OXNAD1: variants seen among roughly 807,000 people sequenced by gnomAD.
OXNAD1 encodes the protein oxidoreductase NAD-binding domain-containing protein 1.
A neutral mutation model predicts 32.9 loss-of-function variants in OXNAD1; 34 were observed. The observed-to-expected ratio is 1.03, with a 90% confidence interval of 0.79 to 1.38. The LOEUF (loss-of-function observed/expected upper bound fraction) is 1.38. OXNAD1 is among the 40% of genes most tolerant of loss of function. OXNAD1 has a pLI of 0.00. For missense variants in OXNAD1, 407 were observed against 379.4 expected, an observed-to-expected ratio of 1.07 and a Z score of -0.60; for synonymous variants, 134 against 135.2, an observed-to-expected ratio of 0.99 and a Z score of 0.06.
In OXNAD1 at chr3:16,288,791, C is replaced by T. The variant is rs1000849164; in HGVS notation, c.290+2343C>T. Among the ~76,000 whole-genome samples, 1 of 152,208 alleles carries T rather than the reference C, an allele frequency of 6.6e-6. No homozygotes were observed. Among genetic ancestry groups the T allele is most frequent in the Non-Finnish European group, 1.5e-5 (1 of 68,022 alleles). Reference sequence around the variant, plus strand: ...GTGAGGCCTGCCCTTGACCAGAATTCCTCCTCCCTTGGGGTGGAAAGCTTG... The same window carrying T: ...GTGAGGCCTGCCCTTGACCAGAATTTCTCCTCCCTTGGGGTGGAAAGCTTG... On this transcript the variant is annotated intron_variant, in intron 5 of 8. Transcript: ENST00000285083. The surrounding 1 kb of genome is among the most constrained non-coding windows in gnomAD (Gnocchi z 5.1).
chr3:16,273,837 A>G (rs1006101429), intron 4 of OXNAD1, among the ~76,000 whole-genome samples: 1 of 152,190 alleles, frequency 6.6e-6, no homozygotes, highest in East Asian at 1.9e-4. Flanking sequence ...TGTTACCACA[A>G]AGTCTTTTAC....
In OXNAD1 at chr3:16,303,495, T is replaced by A; in HGVS notation, c.872T>A (p.Phe291Tyr). ...TGTGGCCCACCTCCAATGACAGACT[T>A]TTTCTCCAAGCAACTGGAAAACAAC... Reference protein sequence around the residue: ...YICGPPPMTDFFSKQLENNHV... With the variant: ...YICGPPPMTDYFSKQLENNHV... Residue 291 changes from phenylalanine to tyrosine, a missense_variant, in exon 9 of 9, where the codon TTT (phenylalanine) becomes TAT (tyrosine). Phe to Tyr is a conservative substitution (Grantham distance 22). Coordinates refer to ENST00000285083, the MANE Select transcript of OXNAD1 (RefSeq NM_138381.5). The surrounding 1 kb of genome is among the most constrained non-coding windows in gnomAD (Gnocchi z 4.8). 6.2e-7 allele frequency: 1 copy of A among 1,614,044 alleles called. No homozygotes were observed. Among genetic ancestry groups the A allele is most frequent in the African/African-American group, 1.3e-5 (1 of 75,006 alleles).
chr3:16,324,838 C>G (rs1376682451), intron 9 of OXNAD1, among the ~76,000 whole-genome samples: 2 of 151,850 alleles, frequency 1.3e-5, no homozygotes, highest in African/African-American at 4.8e-5. Context: ...GGATATATAC[C>G]TAGAAGTGGG....
chr3:16,308,150 T>C (rs2067701643), downstream of OXNAD1, among the ~76,000 whole-genome samples: 1 of 152,208 alleles, frequency 6.6e-6, no homozygotes, highest in African/African-American at 2.4e-5. The surrounding 1 kb of genome is among the most constrained non-coding windows in gnomAD (Gnocchi z 4.4). Context: ...GTCTAAGTGA[T>C]AAAGGTATCT....
At chr3:16,278,818 T>C (rs1029534734) in intron 4 of OXNAD1, among the ~76,000 whole-genome samples, 2 of 152,198 alleles carry the variant, frequency 1.3e-5, no homozygotes, top group Admixed American at 1.3e-4. Context: ...GCAGATGCCT[T>C]TGGGGATCCT....
intron 4 of OXNAD1, among the ~76,000 whole-genome samples, chr3:16,281,551 A>G (rs913342508): frequency 1.3e-5 from 2 of 152,216 alleles, no homozygotes; most frequent in Non-Finnish European, 2.9e-5. Context: ...TTCCGGTCCA[A>G]GCATTTCAGG....
rs2125187530 is a variant in OXNAD1, at chr3:16,321,336, G to A, written c.*31-15776G>A. ...TGAAGGGAGAAATGGGGCTGGGTCT[G>A]AACCCTGAGGAACTTAGTGGGAAAC... On this transcript the variant is annotated intron_variant, in intron 9 of 9. Coordinates refer to the OXNAD1 transcript ENST00000435829. This position sits in a 1 kb window ranked among gnomAD's most constrained non-coding sequence, Gnocchi z 4.8. Among the ~76,000 whole-genome samples the A allele has an allele frequency of 6.6e-6, 1 of 152,296 alleles. No homozygotes were observed. Among genetic ancestry groups the A allele is most frequent in the African/African-American group, 2.4e-5 (1 of 41,552 alleles).
Position 16,320,699 on chromosome 3 carries a change from A to G in OXNAD1, c.*31-16413A>G, listed in dbSNP as rs2068949261. ...AAAAGGATGCTCGAGTAGAGCTAGA[A>G]AGGAGGAGAATGTCCTTGGCAGAGG... is the stretch of plus-strand genomic sequence containing the variant. On this transcript the variant is annotated intron_variant, in intron 9 of 9. Transcript: ENST00000435829. This position sits in a 1 kb window ranked among gnomAD's most constrained non-coding sequence, Gnocchi z 4.5. Among the ~76,000 whole-genome samples, 1 of 152,240 alleles carries G rather than the reference A, an allele frequency of 6.6e-6. No homozygotes were observed.
At position 16,334,764 on chromosome 3, in the gene OXNAD1, G is replaced by A. The variant is rs1465427282; in HGVS notation, c.*31-2348G>A. Among the ~76,000 whole-genome samples the A allele has an allele frequency of 1.3e-5, 2 of 152,224 alleles. No homozygotes were observed. The highest frequency in any genetic ancestry group is 4.8e-5 in the African/African-American group (2 of 41,452). On this transcript the variant is annotated intron_variant, in intron 9 of 9. Coordinates refer to the OXNAD1 transcript ENST00000435829. The surrounding 1 kb of genome is among the most constrained non-coding windows in gnomAD (Gnocchi z 4.3). ...CCTAATCCCAGGAGCCTGTGAAAAT[G>A]TTCCCTTCGCATGGTAAAGGGATGT...
chr3:16,267,218 T>A (rs2064585143), intron 1 of OXNAD1, among the ~76,000 whole-genome samples: 1 of 152,244 alleles, frequency 6.6e-6, no homozygotes, highest in South Asian at 2.1e-4. Context: ...GCCATCTCTG[T>A]AGCTGTTACC....
chr3:16,337,085 G>C lies in OXNAD1; in HGVS notation c.*31-27G>C, dbSNP rs2070928156. ...TCATCCTGAACCTAGGCCTCAAGGA[G>C]CCTTGCTGTTTCTGCTCACTCTCCA... is the stretch of plus-strand genomic sequence containing the variant. On this transcript the variant is annotated intron_variant, in intron 9 of 9. Transcript: ENST00000435829. This position sits in a 1 kb window ranked among gnomAD's most constrained non-coding sequence, Gnocchi z 5.0. 1 of 152,236 alleles carries C rather than the reference G, an allele frequency of 6.6e-6. No individual in the cohort carries two copies. Among genetic ancestry groups the C allele is most frequent in the East Asian group, 1.9e-4 (1 of 5,188 alleles). The allele number at this position is 152,236 out of a possible 1,614,324, so 9.4% of individuals were successfully genotyped here. A position where few individuals can be genotyped will look rare whatever the true frequency, so the allele number is the denominator to read the frequency against.
chr3:16,294,378 A>AT (rs527286824), intron 5 of OXNAD1, among the ~76,000 whole-genome samples: 288 of 147,954 alleles, frequency 1.9e-3, no homozygotes, highest in Non-Finnish European at 3.4e-3. Context: ...AATATTTTGT[A>AT]TTTTTTTTTT....
At chr3:16,313,310 T>A (rs1203353567) in intron 9 of OXNAD1, among the ~76,000 whole-genome samples, 1 of 150,630 alleles carries the variant, frequency 6.6e-6, no homozygotes, top group Non-Finnish European at 1.5e-5. Context: ...CCCAAAGTGC[T>A]GGGACTATAG....
intron 9 of OXNAD1, among the ~76,000 whole-genome samples, chr3:16,323,836 G>A (rs2069362152): frequency 6.6e-6 from 1 of 152,206 alleles, no homozygotes; most frequent in South Asian, 2.1e-4. Context: ...AAGGACCTGG[G>A]TGATGAGCTC....
chr3:16,330,510 C>T (rs1199604361), intron 9 of OXNAD1, among the ~76,000 whole-genome samples: 2 of 152,182 alleles, frequency 1.3e-5, no homozygotes, highest in African/African-American at 2.4e-5. Context: ...GAGAAGAAAG[C>T]ACCAACAACA....
Position 16,312,549 on chromosome 3 carries a change from C to G in OXNAD1, c.*30+8957C>G, listed in dbSNP as rs1468393891. Among the ~76,000 whole-genome samples, 5 of 152,226 alleles carry G rather than the reference C, an allele frequency of 3.3e-5. No homozygotes were observed. Among genetic ancestry groups the G allele is most frequent in the African/African-American group, 1.2e-4 (5 of 41,464 alleles). ...TAGGCTGCTGTGAGCCCTAGCAGGACAGAGCCCAGACTGTGTGCTCCCTGC... is the reference window on the plus strand; with the variant it reads ...TAGGCTGCTGTGAGCCCTAGCAGGAGAGAGCCCAGACTGTGTGCTCCCTGC... On this transcript the variant is annotated intron_variant, in intron 9 of 9. Transcript: ENST00000435829. The surrounding 1 kb of genome is among the most constrained non-coding windows in gnomAD (Gnocchi z 4.7).
rs1048549489 is a variant in OXNAD1, at chr3:16,312,672, C to T, written c.*30+9080C>T. Among the ~76,000 whole-genome samples the T allele has an allele frequency of 1.3e-5, 2 of 152,208 alleles. No homozygotes were observed. Among genetic ancestry groups the T allele is most frequent in the Non-Finnish European group, 2.9e-5 (2 of 68,042 alleles). ...TATTCCTACTAATAAGCACTGTCTA[C>T]ACCTGAGAGCTATTCCTGAACGATT... On this transcript the variant is annotated intron_variant, in intron 9 of 9. Transcript: ENST00000435829. The surrounding 1 kb of genome is among the most constrained non-coding windows in gnomAD (Gnocchi z 4.7).
Position 16,303,274 on chromosome 3 carries a change from C to G in OXNAD1, c.785-134C>G, listed in dbSNP as rs1171114285. The stretch of plus-strand genomic sequence containing the variant: ...GGCCCAGATGCCAATAGGAGCCATA[C>G]TGTGAATGGCTTAAGAAGACTAGAC... On this transcript the variant is annotated intron_variant, in intron 8 of 8. Coordinates refer to ENST00000285083, the MANE Select transcript of OXNAD1 (RefSeq NM_138381.5). The surrounding 1 kb of genome is among the most constrained non-coding windows in gnomAD (Gnocchi z 4.8). The G allele has an allele frequency of 5.8e-6, 6 of 1,040,294 alleles. No individual in the cohort carries two copies. Among genetic ancestry groups the G allele is most frequent in the East Asian group, 4.9e-5 (2 of 40,974 alleles). 64.4% of individuals were successfully genotyped at this position (1,040,294 alleles called of 1,614,324 possible).
chr3:16,339,704 C>T (rs1160741327), downstream of OXNAD1: 1 of 152,262 alleles, frequency 6.6e-6, no homozygotes, highest in East Asian at 1.9e-4. Flanking sequence ...CCTACCATTT[C>T]CACATATTGA....
Sources: gnomAD v4.1 joint callset for allele counts (sites outside exome capture counted in the v4.1 genomes callset) on GRCh38, gnomAD v4.1.1 for gene constraint, Gnocchi (gnomAD v3.1) non-coding constraint, MANE v1.5 for transcripts, NCBI Gene and HGNC (gene_info 2026-07-23, HGNC 2026-07-21) for gene names.